ZNF343: variants seen among roughly 807,000 people sequenced by gnomAD.
The protein encoded by ZNF343 is zinc finger protein 343.
Under a neutral mutation model 13.8 loss-of-function variants are expected in ZNF343, and 11 were observed. That is an observed-to-expected ratio of 0.80 (90% CI 0.50 to 1.32). The LOEUF (loss-of-function observed/expected upper bound fraction) is 1.32. Ranked by LOEUF, ZNF343 falls within the 40% of genes most tolerant of loss-of-function variation. ZNF343 has a pLI of 0.00. For synonymous variants in ZNF343, 248 were observed against 260.0 expected, an observed-to-expected ratio of 0.95 and a Z score of 0.44; for missense variants, 658 against 714.2, an observed-to-expected ratio of 0.92 and a Z score of 0.90.
intron 1 of ZNF343, among the ~76,000 whole-genome samples, chr20:2,517,740 C>G (rs2085765697): frequency 6.6e-6 from 1 of 151,750 alleles, no homozygotes; most frequent in Non-Finnish European, 1.5e-5. Context: ...CTCCTGGCCT[C>G]AAGTGATCCT....
intron 5 of ZNF343, among the ~76,000 whole-genome samples, chr20:2,485,813 AC>A (rs2085272674): frequency 6.6e-6 from 1 of 152,184 alleles, no homozygotes; most frequent in Non-Finnish European, 1.5e-5. Flanking sequence ...TGCCAGAGGA[AC>A]ACAGCTGTGT....
upstream of ZNF343, among the ~76,000 whole-genome samples, chr20:2,513,463 T>G (rs2085746773): frequency 6.6e-6 from 1 of 152,220 alleles, no homozygotes. Context: ...AATACTTTTT[T>G]AATGGAAAAT....
chr20:2,508,428 C>G lies in ZNF343; in HGVS notation c.-237+453G>C, dbSNP rs982590895. The stretch of plus-strand genomic sequence containing the variant: ...GTGATGCAGGACTCAAGACGCTCCC[C>G]AGCCAAAAACCACCCAGGGATGTGC... On this transcript the variant is annotated intron_variant, in intron 1 of 5. Transcript: ENST00000278772. The surrounding 1 kb of genome is among the most constrained non-coding windows in gnomAD (Gnocchi z 4.5). Among the ~76,000 whole-genome samples the G allele has an allele frequency of 6.6e-6, 1 of 152,128 alleles. No homozygotes were observed. Among genetic ancestry groups the G allele is most frequent in the African/African-American group, 2.4e-5 (1 of 41,444 alleles).
At chr20:2,516,828 G>A (rs569505457) in intron 1 of ZNF343, among the ~76,000 whole-genome samples, 1 of 152,168 alleles carries the variant, frequency 6.6e-6, no homozygotes, top group South Asian at 2.1e-4. Context: ...TGAGGATAAA[G>A]GTCAGGCTCA....
At chr20:2,485,547 T>A (rs1475272253) in intron 5 of ZNF343, among the ~76,000 whole-genome samples, 1 of 152,232 alleles carries the variant, frequency 6.6e-6, no homozygotes, top group Non-Finnish European at 1.5e-5. Context: ...CATCCTATCC[T>A]ATCTGGAATG....
In ZNF343 at chr20:2,484,207, G is replaced by A. The variant is rs1343202991; in HGVS notation, c.754C>T (p.Leu252=). The change falls in exon 6 of 6, where the codon CTG becomes TTG. Residue 252 remains leucine (L), a synonymous_variant. Transcript: ENST00000278772. The part of the protein sequence containing the change: ...NCREYEPDHN[L]ESNFITNPRT... ...GGGTTTGTAATAAAGTTTGATTCCAGGTTATGGTCCGGTTCATACTCTCTA... is the reference window on the plus strand; with the variant it reads ...GGGTTTGTAATAAAGTTTGATTCCAAGTTATGGTCCGGTTCATACTCTCTA... 2 of 1,614,234 alleles carry A rather than the reference G, an allele frequency of 1.2e-6. No homozygotes were observed. The highest frequency in any genetic ancestry group is 8.5e-7 in the Non-Finnish European group (1 of 1,180,038).
At chr20:2,506,580 T>C (rs1178475920) in intron 1 of ZNF343, among the ~76,000 whole-genome samples, 1 of 152,062 alleles carries the variant, frequency 6.6e-6, no homozygotes, top group South Asian at 2.1e-4. Flanking sequence ...ATTAAGAAAA[T>C]GTGGCACATG....
chr20:2,496,108 G>C (rs1191519278), intron 2 of ZNF343, among the ~76,000 whole-genome samples: 1 of 152,176 alleles, frequency 6.6e-6, no homozygotes, highest in African/African-American at 2.4e-5. Context: ...ATATACCTCA[G>C]AAAAGACACA....
At chr20:2,496,718 G>A (rs1472628845) in intron 2 of ZNF343, among the ~76,000 whole-genome samples, 1 of 152,132 alleles carries the variant, frequency 6.6e-6, no homozygotes, top group Non-Finnish European at 1.5e-5. Context: ...CTTATTGTAT[G>A]TCAGTTGTGA....
chr20:2,483,042 A>G lies in ZNF343; in HGVS notation c.*119T>C. On this transcript the variant is annotated 3_prime_UTR_variant, in exon 6 of 6. Transcript: ENST00000278772. ...TGATAAGGGCTGACACATCTCTGGA[A>G]CTTCACTCACAATCTGTGTACACAG... The G allele has an allele frequency of 8.1e-7, 1 of 1,237,250 alleles. No homozygotes were observed. Among genetic ancestry groups the G allele is most frequent in the Admixed American group, 2.7e-5 (1 of 36,506 alleles). The allele number at this position is 1,237,250 out of a possible 1,614,324, so 76.6% of individuals were successfully genotyped here.
intron 1 of ZNF343, among the ~76,000 whole-genome samples, chr20:2,520,536 TA>T (rs2085777765): frequency 6.6e-6 from 1 of 152,350 alleles, no homozygotes; most frequent in East Asian, 1.9e-4. Context: ...TAATTATTCC[TA>T]AGAGCCTACA....
At chr20:2,490,655 A>G (rs778368287) in intron 5 of ZNF343, among the ~76,000 whole-genome samples, 4 of 151,458 alleles carry the variant, frequency 2.6e-5, no homozygotes, top group Non-Finnish European at 2.9e-5. Context: ...CTCCTGCCTC[A>G]GCCTCCTGAG....
At chr20:2,496,421 C>T (rs1248363401) in intron 2 of ZNF343, among the ~76,000 whole-genome samples, 1 of 152,138 alleles carries the variant, frequency 6.6e-6, no homozygotes, top group Non-Finnish European at 1.5e-5. Context: ...TCAACGACAG[C>T]GGTACCAGGG....
chr20:2,517,421 A>G (rs2085764077), intron 1 of ZNF343, among the ~76,000 whole-genome samples: 1 of 152,036 alleles, frequency 6.6e-6, no homozygotes, highest in African/African-American at 2.4e-5. Context: ...ATACACACAT[A>G]TACATATACC....
rs1365487949 is a variant in ZNF343 at position 2,484,387 on chromosome 20, CCCTTGAGGTTTCTCTCT to C, written c.557_573del (p.Glu186GlyfsTer14). The C allele has an allele frequency of 1.9e-6, 3 of 1,614,146 alleles. No individual in the cohort carries two copies. Among genetic ancestry groups the C allele is most frequent in the East Asian group, 2.2e-5 (1 of 44,882 alleles). On this transcript the variant is annotated frameshift_variant, in exon 6 of 6. Coordinates refer to ENST00000278772, the MANE Select transcript of ZNF343 (RefSeq NM_024325.6). LOFTEE classifies it low-confidence loss of function (END_TRUNC). ...TGTCTTTGGAGTGGGCTGGGGAATG[CCCTTGAGGTTTCTCTCT>C]CCTCTGTCCTTGCAGACCAGGGTTT...
chr20:2,489,117 G>A (rs909632054), intron 5 of ZNF343, among the ~76,000 whole-genome samples: 4 of 152,090 alleles, frequency 2.6e-5, no homozygotes, highest in Non-Finnish European at 5.9e-5. Flanking sequence ...CATTAACTTT[G>A]TTGAACGTAG....
chr20:2,522,925 T>C (rs2085788706), intron 1 of ZNF343, among the ~76,000 whole-genome samples: 1 of 152,184 alleles, frequency 6.6e-6, no homozygotes, highest in Non-Finnish European at 1.5e-5. Context: ...AACTCCATCT[T>C]GAATAGGGGC....
rs142026541 is a variant in ZNF343, at chr20:2,483,104, G to A, written c.*57C>T. On this transcript the variant is annotated 3_prime_UTR_variant, in exon 6 of 6. Transcript: ENST00000278772. ...CATGTGTCTCTCTGGGGTAACATGA[G>A]GCTTGACTGGTCACTCAGGTCTTGT... 2.0e-5 allele frequency: 31 copies of A among 1,547,666 alleles called. No individual in the cohort carries two copies. In the African/African-American group the frequency reaches 3.8e-4, roughly 19 times the overall value.
In ZNF343 at chr20:2,492,732, T is replaced by A; in HGVS notation, c.271A>T (p.Met91Leu). ...AGAAGATTCCTGTAATTCTCCAGCA[T>A]CACTTCTTTGTATAGATTCCTCTGC... ...PEQRNLYKEV[M>L]LENYRNLLSL... is the part of the protein sequence containing the mutation. The change falls in exon 5 of 6, where the codon ATG (methionine) becomes TTG (leucine). Residue 91 changes from methionine (M) to leucine (L), a missense_variant. Coordinates refer to ENST00000278772, the MANE Select transcript of ZNF343 (RefSeq NM_024325.6). 6.2e-7 allele frequency: 1 copy of A among 1,611,218 alleles called. No homozygotes were observed. The highest frequency in any genetic ancestry group is 1.1e-5 in the South Asian group (1 of 90,416).
Sources: allele counts gnomAD v4.1 joint callset (sites outside exome capture counted in the v4.1 genomes callset), GRCh38; gene constraint gnomAD v4.1.1; non-coding constraint Gnocchi (gnomAD v3.1); transcripts MANE v1.5; gene names NCBI Gene and HGNC (gene_info 2026-07-23, HGNC 2026-07-21).